Variants in SYNCRIP observed in about 807,000 individuals in gnomAD.
SYNCRIP encodes synaptotagmin binding cytoplasmic RNA interacting protein.
A neutral mutation model predicts 68.9 loss-of-function variants in SYNCRIP; 9 were observed. That is an observed-to-expected ratio of 0.13 (90% confidence interval 0.08 to 0.23). SYNCRIP has a LOEUF of 0.23. Ranked by LOEUF, SYNCRIP falls within the 10% of genes least tolerant of loss-of-function variation. The pLI is 1.00. For missense variants in SYNCRIP, 414 were observed against 770.6 expected (o/e 0.54, Z 5.48); for synonymous variants, 258 against 254.0 (o/e 1.02, Z -0.15).
chr6:85,614,179 TG>T lies in SYNCRIP; in HGVS notation c.*576del. The T allele has an allele frequency of 1.0e-6, 1 of 985,828 alleles. No homozygotes were observed. The highest frequency in any genetic ancestry group is 1.2e-6 in the Non-Finnish European group (1 of 829,916). The allele number at this position is 985,828 out of a possible 1,614,324, so 61.1% of individuals were successfully genotyped here. On this transcript the variant is annotated 3_prime_UTR_variant, in exon 11 of 11. Transcript: ENST00000369622. The stretch of plus-strand genomic sequence containing the variant: ...TGAACCAAATTTGCAGGAAATTTTG[TG>T]AAAAACGAATTGTAAACACAATTTT...
intron 6 of SYNCRIP, among the ~76,000 whole-genome samples, chr6:85,633,680 T>C (rs899792054): frequency 1.3e-5 from 2 of 151,460 alleles, no homozygotes; most frequent in African/African-American, 4.9e-5. Flanking sequence ...CATTGGAAAT[T>C]TTTTTTTTCC....
chr6:85,638,380 CAAAAAAAAAA>C (rs71003001), intron 4 of SYNCRIP, among the ~76,000 whole-genome samples: 15 of 42,848 alleles, frequency 3.5e-4, no homozygotes, highest in East Asian at 1.7e-3. Flanking sequence ...GACCCCATCT[CAAAAAAAAAA>C]AAAAAAAAAA....
chr6:85,640,595 T>C (rs367800262), intron 2 of SYNCRIP, 31 bp from the exon 3 acceptor site: 135 of 1,423,098 alleles, frequency 9.5e-5, no homozygotes, highest in Non-Finnish European at 1.3e-4. Context: ...CAGCTTTTAA[T>C]ATTTTTAGAA....
intron 2 of SYNCRIP, 77 bp from the exon 3 acceptor site, chr6:85,640,641 G>T: frequency 2.5e-6 from 2 of 790,250 alleles, no homozygotes; most frequent in Non-Finnish European, 2.0e-6. Flanking sequence ...GGCAATACAG[G>T]TACATGTGTG....
chr6:85,615,395 TAAC>T, intron 10 of SYNCRIP, 48 bp from the exon 11 acceptor site: 2 of 1,285,200 alleles, frequency 1.6e-6, no homozygotes, highest in Non-Finnish European at 2.1e-6. Flanking sequence ...ATTACTTAGT[TAAC>T]AAGTAGGCAT....
chr6:85,622,157 A>AG (rs1806487666), intron 8 of SYNCRIP, among the ~76,000 whole-genome samples: 1 of 152,152 alleles, frequency 6.6e-6, no homozygotes, highest in Non-Finnish European at 1.5e-5. Context: ...GTGGATCCCG[A>AG]GGTCAGGAGT....
intron 4 of SYNCRIP, among the ~76,000 whole-genome samples, chr6:85,639,146 T>C (rs1339822947): frequency 1.3e-5 from 2 of 152,124 alleles, no homozygotes; most frequent in Admixed American, 6.6e-5. Context: ...AGGTGGAGGT[T>C]GCAGTGAGCC....
chr6:85,621,507 G>T (rs1278175922), intron 8 of SYNCRIP, among the ~76,000 whole-genome samples: 1 of 151,784 alleles, frequency 6.6e-6, no homozygotes, highest in African/African-American at 2.4e-5. Flanking sequence ...TAGCTACTTG[G>T]GAGGCTGAGG....
chr6:85,614,970 G>A lies in SYNCRIP; in HGVS notation c.1658C>T (p.Ala553Val), dbSNP rs1171545081. ...TACATTTCCACCGCGGCCACCCCTC[G>A]CACCACGTACCCCGCGGCCTCTTTG... ...QQQRGRGVRGARGGRGGNVGG... is the reference protein window; with the variant it reads ...QQQRGRGVRGVRGGRGGNVGG... Residue 553 changes from alanine to valine, a missense_variant, in exon 11 of 11, where the codon GCG (alanine) becomes GTG (valine). Physicochemically the swap from Ala to Val is moderately conservative, Grantham distance 64. This residue lies in a region of SYNCRIP where 130 missense variants were observed against 149.0 expected (regional missense o/e 0.87). Coordinates refer to ENST00000369622, the MANE Select transcript of SYNCRIP (RefSeq NM_006372.5). 4 of 1,613,580 alleles carry A rather than the reference G, an allele frequency of 2.5e-6. No homozygotes were observed. Among genetic ancestry groups the A allele is most frequent in the Admixed American group, 1.7e-5 (1 of 59,964 alleles).
chr6:85,638,777 G>C (rs1808781469), intron 4 of SYNCRIP, among the ~76,000 whole-genome samples: 1 of 151,996 alleles, frequency 6.6e-6, no homozygotes, highest in Non-Finnish European at 1.5e-5. Flanking sequence ...TGCTATAAAC[G>C]GATTTTTTAA....
chr6:85,615,820 T>C (rs1039010665), intron 10 of SYNCRIP, among the ~76,000 whole-genome samples: 12 of 152,288 alleles, frequency 7.9e-5, no homozygotes, highest in Middle Eastern at 3.4e-3. Flanking sequence ...AAAAAAAAAT[T>C]TGTCACTTTG....
At position 85,620,045 on chromosome 6, in the gene SYNCRIP, G is replaced by A. The variant is rs531743255; in HGVS notation, c.1009-628C>T. Reference sequence around the variant, plus strand: ...GCAGATCACCTGAGGTCAGGAGCTCGAGACCAGCCTGGCCAACACAGTAAC... The same window carrying A: ...GCAGATCACCTGAGGTCAGGAGCTCAAGACCAGCCTGGCCAACACAGTAAC... On this transcript the variant is annotated intron_variant, in intron 8 of 10. Transcript: ENST00000369622. Among the ~76,000 whole-genome samples, 218 of 152,204 alleles carry A rather than the reference G, an allele frequency of 1.4e-3. 1 individual carries two copies. Among genetic ancestry groups the A allele is most frequent in the African/African-American group, 5.1e-3 (212 of 41,516 alleles).
chr6:85,638,117 T>C lies in SYNCRIP; in HGVS notation c.376-761A>G, dbSNP rs575877034. On this transcript the variant is annotated intron_variant, in intron 4 of 10. Coordinates refer to ENST00000369622, the MANE Select transcript of SYNCRIP (RefSeq NM_006372.5). ...GGCTGGGTGCAGTGGCTCACACCTG[T>C]AATCCCAGCACTTTGGGAGGCCAAG... is the stretch of plus-strand genomic sequence containing the variant. Among the ~76,000 whole-genome samples the C allele has an allele frequency of 7.1e-4, 108 of 152,268 alleles. 1 individual carries two copies. The highest frequency in any genetic ancestry group is 1.4e-3 in the Non-Finnish European group (98 of 68,032).
At chr6:85,611,028 T>G (rs1562066269), downstream of SYNCRIP, 1 of 152,042 alleles carries the variant, frequency 6.6e-6, no homozygotes, top group Non-Finnish European at 1.5e-5. Flanking sequence ...TATATTCCAA[T>G]GAATACTTAT....
chr6:85,614,699 T>C lies in SYNCRIP; in HGVS notation c.*57A>G, dbSNP rs1320418772. The C allele has an allele frequency of 2.0e-6, 3 of 1,506,182 alleles. No individual in the cohort carries two copies. Among genetic ancestry groups the C allele is most frequent in the Admixed American group, 4.7e-5 (2 of 42,362 alleles). 93.3% of individuals were successfully genotyped at this position (1,506,182 alleles called of 1,614,324 possible). ...AATTATAGCGGCACCCGTTCAGATT[T>C]AGGGTGAGTTTCTGATCAACCTATC... On this transcript the variant is annotated 3_prime_UTR_variant, in exon 11 of 11. Coordinates refer to ENST00000369622, the MANE Select transcript of SYNCRIP (RefSeq NM_006372.5).
At chr6:85,642,993 G>T (rs1425189798), upstream of SYNCRIP, 1 of 142,446 alleles carries the variant, frequency 7.0e-6, no homozygotes, top group Non-Finnish European at 1.6e-5. Flanking sequence ...GCCCCCGCGT[G>T]ACCCCCCCTT....
intron 8 of SYNCRIP, among the ~76,000 whole-genome samples, chr6:85,621,410 G>A (rs1016006674): frequency 3.3e-5 from 5 of 151,994 alleles, no homozygotes; most frequent in Admixed American, 2.0e-4. Flanking sequence ...TTGTAAGACC[G>A]GCCTGGGCAG....
intron 6 of SYNCRIP, among the ~76,000 whole-genome samples, chr6:85,629,398 A>G (rs1310193642): frequency 6.6e-6 from 1 of 151,984 alleles, no homozygotes; most frequent in Non-Finnish European, 1.5e-5. Context: ...TATTATTAAA[A>G]TATCTCTGAA....
In SYNCRIP at chr6:85,614,392, A is replaced by G. The variant is rs1562071284; in HGVS notation, c.*364T>C. On this transcript the variant is annotated 3_prime_UTR_variant, in exon 11 of 11. Transcript: ENST00000369622. The stretch of plus-strand genomic sequence containing the variant: ...ACATACAAAGTTATTCTGATACAAG[A>G]TATTAAAGACACACTTGGTTTTAAT... 1 of 1,001,280 alleles carries G rather than the reference A, an allele frequency of 1.0e-6. No individual in the cohort carries two copies. Among genetic ancestry groups the G allele is most frequent in the Non-Finnish European group, 1.2e-6 (1 of 840,804 alleles). The allele number at this position is 1,001,280 out of a possible 1,614,324, so 62.0% of individuals were successfully genotyped here.
Sources: gnomAD v4.1 joint callset for allele counts (sites outside exome capture counted in the v4.1 genomes callset) on GRCh38, gnomAD v4.1.1 for gene constraint, gnomAD v4.1.1 regional missense constraint, MANE v1.5 for transcripts, NCBI Gene and HGNC (gene_info 2026-07-23, HGNC 2026-07-21) for gene names.